The following BNIP2 variants were observed in gnomAD, a reference collection of about 807,000 sequenced individuals.
BNIP2 encodes BCL2/adenovirus E1B 19 kDa protein-interacting protein 2.
A neutral mutation model predicts 43.4 loss-of-function variants in BNIP2; 36 were observed. The ratio of observed to expected loss-of-function variants is 0.83; its 90% CI spans 0.64 to 1.10. The LOEUF (loss-of-function observed/expected upper bound fraction) is 1.10, where lower values mean the gene tolerates loss of function less well. BNIP2 is among the 50% of genes least tolerant of loss of function. BNIP2 has a pLI of 0.00. For synonymous variants in BNIP2, 146 were observed against 121.0 expected, an observed-to-expected ratio of 1.21 and a Z score of -1.35; for missense variants, 417 against 374.1, an observed-to-expected ratio of 1.11 and a Z score of -0.95.
chr15:59,686,776 GGAGGCT>G (rs1894041485), intron 1 of BNIP2, among the ~76,000 whole-genome samples: 1 of 152,258 alleles, frequency 6.6e-6, no homozygotes, highest in East Asian at 1.9e-4. Context: ...CAACACTTTG[GGAGGCT>G]GAGGCGGACG....
intron 5 of BNIP2, among the ~76,000 whole-genome samples, chr15:59,673,011 A>G (rs376696427): frequency 1.1e-4 from 16 of 152,204 alleles, no homozygotes; most frequent in African/African-American, 3.9e-4. Context: ...AGCCAGCCCT[A>G]TTTTAGCAGG....
At chr15:59,669,038 A>T (rs1324589300) in intron 8 of BNIP2, 48 bp from the exon 9 acceptor site, 2 of 1,441,516 alleles carry the variant, frequency 1.4e-6, no homozygotes, top group Non-Finnish European at 1.9e-6. Context: ...TGACAAATAC[A>T]ATGGATACAA....
intron 4 of BNIP2, chr15:59,678,693 T>C (rs1480805693): frequency 8.3e-7 from 1 of 1,210,936 alleles, no homozygotes; most frequent in Non-Finnish European, 1.1e-6. Context: ...GATTGCAGTT[T>C]AGCTGATTTT....
At chr15:59,687,427 C>A (rs1210830570) in intron 1 of BNIP2, among the ~76,000 whole-genome samples, 3 of 150,754 alleles carry the variant, frequency 2.0e-5, no homozygotes, top group Non-Finnish European at 2.9e-5. Context: ...TCTCGGCTCG[C>A]TACAACCTCC....
intron 1 of BNIP2, 129 bp downstream of exon 1, chr15:59,689,006 C>T: frequency 6.9e-7 from 1 of 1,444,170 alleles, no homozygotes; most frequent in Non-Finnish European, 9.0e-7. Context: ...GCTCCCCCTA[C>T]CAAGGGTAAC....
chr15:59,680,343 T>C (rs1893588131), intron 2 of BNIP2, 35 bp from the exon 3 acceptor site: 2 of 1,519,908 alleles, frequency 1.3e-6, no homozygotes, highest in Non-Finnish European at 1.8e-6. Flanking sequence ...AATCCAGAAA[T>C]TAAGAAAGAA....
chr15:59,672,097 G>A (rs1892969264), intron 6 of BNIP2: 3 of 152,050 alleles, frequency 2.0e-5, no homozygotes, highest in Admixed American at 2.0e-4. Flanking sequence ...AAACAAAGTT[G>A]GAACAAATAA....
rs181548414 is a variant in BNIP2 at position 59,668,435 on chromosome 15, A to T, written c.893+457T>A. 1.4e-3 allele frequency among the ~76,000 whole-genome samples: 208 copies of T among 152,356 alleles called. 1 individual carries two copies. The highest frequency in any genetic ancestry group is 2.6e-3 in the Non-Finnish European group (180 of 68,022). ...TACATGGAAGAATGTGAATCTGATAATCAGAACAGAATTTCAGTCACTGGA... is the reference window on the plus strand; with the variant it reads ...TACATGGAAGAATGTGAATCTGATATTCAGAACAGAATTTCAGTCACTGGA... On this transcript the variant is annotated intron_variant, in intron 9 of 9. Coordinates refer to ENST00000607373, the MANE Select transcript of BNIP2 (RefSeq NM_004330.4).
Position 59,660,189 on chromosome 15 carries a change from A to T in BNIP2, c.*3880T>A, listed in dbSNP as rs1206454295. The stretch of plus-strand genomic sequence containing the variant: ...CACAATTCCTATGACCTATAACAAG[A>T]CCAGACCTATTTTAACAGCAAAATA... On this transcript the variant is annotated 3_prime_UTR_variant, in exon 10 of 10. Coordinates refer to ENST00000607373, the MANE Select transcript of BNIP2 (RefSeq NM_004330.4). 1 of 152,220 alleles carries T rather than the reference A, an allele frequency of 6.6e-6. No individual in the cohort carries two copies. Among genetic ancestry groups the T allele is most frequent in the African/African-American group, 2.4e-5 (1 of 41,452 alleles). 9.4% of individuals were successfully genotyped at this position (152,220 alleles called of 1,614,324 possible). A position where few individuals can be genotyped will look rare whatever the true frequency, so the allele number is the denominator to read the frequency against.
intron 2 of BNIP2, among the ~76,000 whole-genome samples, chr15:59,681,441 A>G (rs369455628): frequency 4.7e-5 from 7 of 148,826 alleles, no homozygotes; most frequent in African/African-American, 1.7e-4. Context: ...GTGGGGGGGA[A>G]CCCACAAATT....
chr15:59,670,447 A>G (rs1804820654), intron 7 of BNIP2, among the ~76,000 whole-genome samples: 1 of 152,222 alleles, frequency 6.6e-6, no homozygotes, highest in South Asian at 2.1e-4. Flanking sequence ...AAACAAAAAC[A>G]AAAACATAAA....
chr15:59,674,966 T>C (rs555064543), intron 5 of BNIP2, among the ~76,000 whole-genome samples: 1 of 152,138 alleles, frequency 6.6e-6, no homozygotes, highest in Non-Finnish European at 1.5e-5. Context: ...AAAAAATAAT[T>C]TGGCCTGGGC....
intron 1 of BNIP2, among the ~76,000 whole-genome samples, chr15:59,688,310 C>A (rs937139848): frequency 6.6e-6 from 1 of 151,976 alleles, no homozygotes; most frequent in Admixed American, 6.5e-5. Flanking sequence ...TGCAGAGATT[C>A]CTATAAAATG....
chr15:59,688,299 T>A (rs926744744), intron 1 of BNIP2, among the ~76,000 whole-genome samples: 17 of 152,188 alleles, frequency 1.1e-4, no homozygotes, highest in African/African-American at 3.9e-4. Flanking sequence ...GTTTCTACAA[T>A]TGCAGAGATT....
rs1314341816 is a variant in BNIP2 at position 59,661,528 on chromosome 15, G to A, written c.*2541C>T. 2 of 151,946 alleles carry A rather than the reference G, an allele frequency of 1.3e-5. No homozygotes were observed. The highest frequency in any genetic ancestry group is 2.9e-5 in the Non-Finnish European group (2 of 68,010). 9.4% of individuals were successfully genotyped at this position (151,946 alleles called of 1,614,324 possible). A position where few individuals can be genotyped will look rare whatever the true frequency, so the allele number is the denominator to read the frequency against. On this transcript the variant is annotated 3_prime_UTR_variant, in exon 10 of 10. Transcript: ENST00000607373. ...AAAGATTGTTAAGCTTAAATTGTGG[G>A]GTGAATAGAACGTCTTCCCTTGGTG...
chr15:59,681,922 T>C (rs1412437909), intron 2 of BNIP2, among the ~76,000 whole-genome samples: 2 of 152,198 alleles, frequency 1.3e-5, no homozygotes, highest in South Asian at 2.1e-4. Flanking sequence ...TGAAAGATTA[T>C]AGAAGATTAT....
intron 1 of BNIP2, among the ~76,000 whole-genome samples, chr15:59,685,336 C>T (rs1164602027): frequency 6.6e-6 from 1 of 151,952 alleles, no homozygotes; most frequent in South Asian, 2.1e-4. Flanking sequence ...CCCGTTTCCA[C>T]AAAAAATACA....
intron 1 of BNIP2, 174 bp downstream of exon 1, chr15:59,688,961 G>A: frequency 1.4e-6 from 2 of 1,441,980 alleles, no homozygotes; most frequent in Non-Finnish European, 1.8e-6. Context: ...AAGCAGGGCG[G>A]GGATCCAGGA....
chr15:59,677,693 A>T, intron 5 of BNIP2: 1 of 1,175,010 alleles, frequency 8.5e-7, no homozygotes, highest in Non-Finnish European at 1.1e-6. Flanking sequence ...TGAGAAAGCT[A>T]TATTTTCCAT....
Sources: allele counts gnomAD v4.1 joint callset (sites outside exome capture counted in the v4.1 genomes callset), GRCh38; gene constraint gnomAD v4.1.1; transcripts MANE v1.5; gene names NCBI Gene and HGNC (gene_info 2026-07-23, HGNC 2026-07-21).